The following OCM variants were observed in gnomAD, a reference collection of about 807,000 sequenced individuals.
OCM encodes oncomodulin-1.
Under a neutral mutation model 14.1 loss-of-function variants are expected in OCM, and 18 were observed. The ratio of observed to expected loss-of-function variants is 1.28; its 90% CI spans 0.88 to 1.89. The LOEUF is 1.89. Ranked by LOEUF, OCM falls within the 40% of genes most tolerant of loss-of-function variation. OCM has a pLI of 0.00. For missense variants in OCM, 140 were observed against 137.6 expected (o/e 1.02, Z -0.09); for synonymous variants, 48 against 51.0 (o/e 0.94, Z 0.25).
chr7:5,861,421 T>C, the OCM span, among the ~76,000 whole-genome samples: 2 of 141,670 alleles, frequency 1.4e-5, no homozygotes, highest in African/African-American at 2.6e-5. Context: ...AATTCTGTCT[T>C]AAAAAAAAAA....
chr7:5,864,670 A>C, the OCM span, among the ~76,000 whole-genome samples: 1 of 152,062 alleles, frequency 6.6e-6, no homozygotes, highest in South Asian at 2.1e-4. Flanking sequence ...AATAAATCAA[A>C]TAGGCCGGGC....
the OCM span, among the ~76,000 whole-genome samples, chr7:5,865,682 C>A: frequency 6.6e-6 from 1 of 152,146 alleles, no homozygotes; most frequent in African/African-American, 2.4e-5. Flanking sequence ...TCACCTCTAG[C>A]GATGGGAGAA....
At chr7:5,871,512 C>T in the OCM span, among the ~76,000 whole-genome samples, 22 of 152,138 alleles carry the variant, frequency 1.4e-4, no homozygotes, top group East Asian at 3.9e-4. Context: ...TTTTTCATCA[C>T]GGGGATAATA....
At chr7:5,882,746 G>A (rs1048436716) in intron 2 of OCM, 121 bp downstream of exon 2, 2 of 1,214,154 alleles carry the variant, frequency 1.6e-6, no homozygotes, top group East Asian at 2.5e-5. Context: ...ATTCGGCCAA[G>A]CATCATTAAA....
chr7:5,881,584 C>T (rs1436679496), intron 1 of OCM, among the ~76,000 whole-genome samples: 6 of 151,914 alleles, frequency 3.9e-5, no homozygotes, highest in Non-Finnish European at 7.4e-5. Context: ...GAGCTATGAT[C>T]GCTACACTGC....
the OCM span, among the ~76,000 whole-genome samples, chr7:5,861,883 T>G: frequency 2.0e-5 from 3 of 151,878 alleles, no homozygotes; most frequent in Non-Finnish European, 4.4e-5. Context: ...TCGGCCTACT[T>G]TTTAATTTAA....
chr7:5,871,021 C>G, the OCM span, among the ~76,000 whole-genome samples: 12 of 151,966 alleles, frequency 7.9e-5, no homozygotes, highest in Non-Finnish European at 1.8e-4. Flanking sequence ...TCGCCAGTAG[C>G]TGGGATAACA....
upstream of OCM, among the ~76,000 whole-genome samples, chr7:5,876,442 C>G (rs1781097199): frequency 1.3e-5 from 2 of 152,196 alleles, no homozygotes; most frequent in Admixed American, 1.3e-4. Context: ...TGAGCCACCA[C>G]ACTCAATCTT....
chr7:5,875,264 C>G (rs1781073477), upstream of OCM, among the ~76,000 whole-genome samples: 1 of 151,890 alleles, frequency 6.6e-6, no homozygotes, highest in Admixed American at 6.6e-5. Context: ...GCCACGTTGG[C>G]CAGACTGGTC....
At chr7:5,874,529 G>A in the OCM span, among the ~76,000 whole-genome samples, 5 of 151,886 alleles carry the variant, frequency 3.3e-5, no homozygotes, top group South Asian at 1.0e-3. Context: ...TGGAGAGACA[G>A]GGTCTCACTC....
At chr7:5,881,001 C>T (rs1375522170) in intron 1 of OCM, 51 bp downstream of exon 1, 3 of 1,571,496 alleles carry the variant, frequency 1.9e-6, no homozygotes, top group Non-Finnish European at 2.6e-6. Context: ...TTTGCACCTC[C>T]AGCGAGTCAA....
At chr7:5,880,137 C>A (rs1447774954), upstream of OCM, among the ~76,000 whole-genome samples, 3 of 152,158 alleles carry the variant, frequency 2.0e-5, no homozygotes, top group Non-Finnish European at 4.4e-5. Flanking sequence ...AGGTGCATGC[C>A]TTCTTCCACA....
chr7:5,879,372 G>A (rs189756011), upstream of OCM, among the ~76,000 whole-genome samples: 53 of 152,202 alleles, frequency 3.5e-4, 1 homozygote, highest in Middle Eastern at 0.014. Flanking sequence ...GAGTTTTGTA[G>A]GAAAGTCACG....
chr7:5,860,946 A>T, the OCM span, among the ~76,000 whole-genome samples: 5 of 151,860 alleles, frequency 3.3e-5, no homozygotes, highest in Admixed American at 2.6e-4. Context: ...CAGAGAGCAA[A>T]AACAGCAAGA....
chr7:5,880,645 G>T (rs947989044), upstream of OCM, among the ~76,000 whole-genome samples: 1 of 152,052 alleles, frequency 6.6e-6, no homozygotes, highest in Admixed American at 6.6e-5. Flanking sequence ...TGTAATCCCA[G>T]CTACTGGGAA....
At chr7:5,875,262 G>A (rs1781073428), upstream of OCM, among the ~76,000 whole-genome samples, 1 of 151,754 alleles carries the variant, frequency 6.6e-6, no homozygotes, top group Admixed American at 6.6e-5. Context: ...TCGCCACGTT[G>A]GCCAGACTGG....
upstream of OCM, among the ~76,000 whole-genome samples, chr7:5,878,971 A>G (rs1031516235): frequency 2.6e-5 from 4 of 151,166 alleles, no homozygotes; most frequent in Admixed American, 1.3e-4. Context: ...ACTTGAGCCC[A>G]GGAGTTCGAG....
In OCM at chr7:5,885,978, C is replaced by T. The variant is rs868470761; in HGVS notation, c.305-86C>T. ...TCTGACAATTTTCTTTGCTTCCTTCCCTCTTTGGAATTCTCATTGGCCACG... is the reference window on the plus strand; with the variant it reads ...TCTGACAATTTTCTTTGCTTCCTTCTCTCTTTGGAATTCTCATTGGCCACG... On this transcript the variant is annotated intron_variant, in intron 3 of 3. Coordinates refer to ENST00000242104, the MANE Select transcript of OCM (RefSeq NM_001097622.2). 5.7e-6 allele frequency: 9 copies of T among 1,579,180 alleles called. 1 individual carries two copies. The Middle Eastern group carries it at 1.5e-3, about 264-fold the overall frequency.
chr7:5,861,573 C>T, the OCM span, among the ~76,000 whole-genome samples: 3 of 152,060 alleles, frequency 2.0e-5, no homozygotes, highest in Non-Finnish European at 2.9e-5. Flanking sequence ...AAGAGAGTTG[C>T]TCAGTACTTG....
Sources: gnomAD v4.1 joint callset for allele counts (sites outside exome capture counted in the v4.1 genomes callset) on GRCh38, gnomAD v4.1.1 for gene constraint, MANE v1.5 for transcripts, NCBI Gene and HGNC (gene_info 2026-07-23, HGNC 2026-07-21) for gene names.